Variants in KDM4C observed in about 807,000 individuals in gnomAD.
The protein encoded by KDM4C is lysine-specific demethylase 4C.
KDM4C carries 81 observed loss-of-function variants against 129.3 expected under a neutral mutation model. That is an observed-to-expected ratio of 0.63 (90% CI 0.52 to 0.75). KDM4C has a LOEUF of 0.75. KDM4C is among the 30% of genes least tolerant of loss of function. KDM4C has a pLI of 0.00. For synonymous variants in KDM4C, 573 were observed against 456.1 expected, an observed-to-expected ratio of 1.26 and a Z score of -3.26; for missense variants, 1,457 against 1,304.0, an observed-to-expected ratio of 1.12 and a Z score of -1.81.
At chr9:6,914,532 T>C (rs1268850995) in intron 8 of KDM4C, among the ~76,000 whole-genome samples, 1 of 152,228 alleles carries the variant, frequency 6.6e-6, no homozygotes, top group East Asian at 1.9e-4. Context: ...ATGAGTGCCT[T>C]TTGACATTAA....
rs868193538 is a variant in KDM4C at position 6,832,551 on chromosome 9, G to A, written c.436-16956G>A. On this transcript the variant is annotated intron_variant, in intron 4 of 21. Transcript: ENST00000381309. ...CGCCATTCTCCTGCCTCAGCCTCCC[G>A]AGTAGCTGGGACTACAGGCGCCCGC... 4.9e-3 allele frequency among the ~76,000 whole-genome samples: 629 copies of A among 129,372 alleles called. 4 individuals carry two copies. The highest frequency in any genetic ancestry group is 0.018 in the African/African-American group (612 of 34,358). The allele number at this position is 129,372 out of a possible 152,430, so 84.9% of individuals were successfully genotyped here.
chr9:7,015,959 CT>C, intron 15 of KDM4C, 30 bp downstream of exon 15: 1 of 1,509,372 alleles, frequency 6.6e-7, no homozygotes, highest in Non-Finnish European at 9.2e-7. Flanking sequence ...ATTGCTTAAC[CT>C]TTCTTCCCAC....
chr9:6,782,997 A>G (rs897965699), intron 1 of KDM4C, among the ~76,000 whole-genome samples: 7 of 152,156 alleles, frequency 4.6e-5, no homozygotes, highest in Non-Finnish European at 7.3e-5. Context: ...AGAAGTGGAG[A>G]GTAAGAGAGG....
rs557806016 is a variant in KDM4C, at chr9:7,079,322, G to C, written c.2425-24363G>C. On this transcript the variant is annotated intron_variant, in intron 17 of 21. Coordinates refer to ENST00000381309, the MANE Select transcript of KDM4C (RefSeq NM_015061.6). ...CATTAATCTCTACAAGAGTGACTTT[G>C]TTTTTTGTTTGTTTGTTTTGAGATG... Among the ~76,000 whole-genome samples, 3 of 152,236 alleles carry C rather than the reference G, an allele frequency of 2.0e-5. No homozygotes were observed. In the East Asian group the frequency reaches 5.8e-4, roughly 29 times the overall value.
intron 17 of KDM4C, among the ~76,000 whole-genome samples, chr9:7,096,370 A>G (rs1292416457): frequency 2.0e-5 from 3 of 152,180 alleles, no homozygotes; most frequent in Admixed American, 6.5e-5. Flanking sequence ...GAGGGGAAGC[A>G]CTATTTTCTG....
intron 1 of KDM4C, among the ~76,000 whole-genome samples, chr9:6,789,464 C>T (rs563997208): frequency 1.3e-5 from 2 of 152,226 alleles, no homozygotes; most frequent in African/African-American, 4.8e-5. Context: ...AGGTGATCCA[C>T]CCACCTCAGC....
intron 8 of KDM4C, among the ~76,000 whole-genome samples, chr9:6,966,635 A>G (rs115860086): frequency 0.011 from 1,641 of 152,264 alleles, 33 homozygotes; most frequent in African/African-American, 0.037. Flanking sequence ...TTACGTCTAG[A>G]TCTTCCTTAA....
At chr9:6,740,880 T>G (rs1817672805) in intron 1 of KDM4C, among the ~76,000 whole-genome samples, 1 of 151,936 alleles carries the variant, frequency 6.6e-6, no homozygotes, top group Non-Finnish European at 1.5e-5. Flanking sequence ...CAAGTTGGAT[T>G]GCAGTGGGAG....
chr9:6,954,978 C>G (rs1434319336), intron 8 of KDM4C, among the ~76,000 whole-genome samples: 1 of 152,180 alleles, frequency 6.6e-6, no homozygotes, highest in Non-Finnish European at 1.5e-5. Flanking sequence ...CAGGGACTTT[C>G]TGTTGGAAGA....
At position 7,125,117 on chromosome 9, in the gene KDM4C, C is replaced by T. The variant is rs565328822; in HGVS notation, c.2611-2949C>T. Among the ~76,000 whole-genome samples, 9 of 152,276 alleles carry T rather than the reference C, an allele frequency of 5.9e-5. No homozygotes were observed. In the South Asian group the frequency reaches 1.7e-3, roughly 28 times the overall value. ...GGATGGCATAAGAACTGTTCTCCCC[C>T]ACCCCCAGTGCCCTGACCCCTGCTC... On this transcript the variant is annotated intron_variant, in intron 18 of 21. Coordinates refer to ENST00000381309, the MANE Select transcript of KDM4C (RefSeq NM_015061.6).
chr9:7,046,811 A>G (rs1465962089), intron 15 of KDM4C, 51 bp from the exon 16 acceptor site: 1 of 1,202,366 alleles, frequency 8.3e-7, no homozygotes. Context: ...AATGGTAATG[A>G]CTTTTGTTAT....
At chr9:6,889,211 T>TGTG (rs1845737956) in intron 7 of KDM4C, among the ~76,000 whole-genome samples, 2 of 61,616 alleles carry the variant, frequency 3.2e-5, no homozygotes, top group Admixed American at 2.1e-4. Context: ...GGCCTTCTTT[T>TGTG]TGTGTGTGTG....
intron 8 of KDM4C, among the ~76,000 whole-genome samples, chr9:6,941,303 C>T (rs1825892378): frequency 6.6e-6 from 1 of 152,060 alleles, no homozygotes; most frequent in Non-Finnish European, 1.5e-5. Flanking sequence ...GGCTTTTTTT[C>T]ATATGTTTAT....
At chr9:7,044,233 T>C (rs571659407) in intron 15 of KDM4C, among the ~76,000 whole-genome samples, 1 of 151,896 alleles carries the variant, frequency 6.6e-6, no homozygotes, top group Non-Finnish European at 1.5e-5. Context: ...TTCAAGAATG[T>C]GTTTAGTTTA....
At chr9:7,118,353 C>T (rs1839145858) in intron 18 of KDM4C, among the ~76,000 whole-genome samples, 1 of 152,124 alleles carries the variant, frequency 6.6e-6, no homozygotes, top group South Asian at 2.1e-4. Context: ...GCTGTAAGAA[C>T]AAGTATTTCT....
In KDM4C at chr9:6,986,394, G is replaced by A. The variant is rs1225252760; in HGVS notation, c.1405G>A (p.Asp469Asn). 4.3e-6 allele frequency: 7 copies of A among 1,613,834 alleles called. No individual in the cohort carries two copies. The highest frequency in any genetic ancestry group is 3.3e-5 in the Admixed American group (2 of 60,002). Reference sequence around the variant, plus strand: ...AACAGAAGACATAAAAACTGAGGATGACAAAGCTTATGCATATAGAAGTGT... The same window carrying A: ...AACAGAAGACATAAAAACTGAGGATAACAAAGCTTATGCATATAGAAGTGT... ...SVTEDIKTED[D>N]KAYAYRSVPS... Residue 469 changes from aspartate (D) to asparagine (N), a missense_variant, in exon 11 of 22, where the codon GAC becomes AAC. Asp to Asn is a conservative substitution (Grantham distance 23, BLOSUM62 1). Coordinates refer to ENST00000381309, the MANE Select transcript of KDM4C (RefSeq NM_015061.6).
intron 5 of KDM4C, among the ~76,000 whole-genome samples, chr9:6,862,540 C>A (rs996908077): frequency 6.6e-6 from 1 of 152,180 alleles, no homozygotes; most frequent in Non-Finnish European, 1.5e-5. Flanking sequence ...TGGTGGCTCA[C>A]AGCTGTAATC....
At chr9:7,008,833 A>T (rs912183218) in intron 12 of KDM4C, among the ~76,000 whole-genome samples, 2 of 152,192 alleles carry the variant, frequency 1.3e-5, no homozygotes, top group Non-Finnish European at 2.9e-5. Flanking sequence ...GAGCAAGCCT[A>T]CCCTTGGACC....
intron 1 of KDM4C, chr9:6,748,648 A>G: frequency 4.3e-6 from 4 of 921,460 alleles, no homozygotes; most frequent in East Asian, 2.4e-5. Context: ...TGGACAAAGG[A>G]CGTCTAAAAA....
Sources: gnomAD v4.1 joint callset for allele counts (sites outside exome capture counted in the v4.1 genomes callset) on GRCh38, gnomAD v4.1.1 for gene constraint, MANE v1.5 for transcripts, NCBI Gene and HGNC (gene_info 2026-07-23, HGNC 2026-07-21) for gene names.